MGAT4C: variants seen among roughly 807,000 people sequenced by gnomAD.
MGAT4C encodes the protein alpha-1,3-mannosyl-glycoprotein 4-beta-N-acetylglucosaminyltransferase C.
MGAT4C carries 19 observed loss-of-function variants against 40.1 expected under a neutral mutation model. The observed-to-expected ratio is 0.47, with a 90% CI of 0.33 to 0.70. MGAT4C has a LOEUF of 0.70. Among genes scored for constraint, MGAT4C ranks in the 30% least tolerant of loss-of-function variants. MGAT4C has a pLI of 0.02. For missense variants in MGAT4C, 491 were observed against 563.2 expected (o/e 0.87, Z 1.30); for synonymous variants, 181 against 187.1 (o/e 0.97, Z 0.27).
At chr12:86,141,219 G>C (rs1026775385) in intron 1 of MGAT4C, among the ~76,000 whole-genome samples, 1 of 152,052 alleles carries the variant, frequency 6.6e-6, no homozygotes, top group African/African-American at 2.4e-5. Flanking sequence ...GTTATTTGTA[G>C]ACAGAAAAAG....
At chr12:86,832,157 T>C (rs952780020) in intron 1 of MGAT4C, among the ~76,000 whole-genome samples, 4 of 151,810 alleles carry the variant, frequency 2.6e-5, no homozygotes, top group Non-Finnish European at 4.4e-5. Context: ...CAACATCATA[T>C]ACTTCTTCGA....
At chr12:86,537,021 T>C (rs1028931918) in intron 2 of MGAT4C, among the ~76,000 whole-genome samples, 2 of 152,192 alleles carry the variant, frequency 1.3e-5, no homozygotes, top group Admixed American at 1.3e-4. Flanking sequence ...ATATACAACA[T>C]GGAATACTAT....
chr12:86,023,748 C>G (rs1014073852), intron 2 of MGAT4C, among the ~76,000 whole-genome samples: 2 of 151,482 alleles, frequency 1.3e-5, no homozygotes, highest in African/African-American at 4.8e-5. Context: ...CATGAACTTA[C>G]TGAAATTGAC....
intron 2 of MGAT4C, among the ~76,000 whole-genome samples, chr12:86,600,486 G>A (rs150620754): frequency 9.2e-5 from 14 of 152,340 alleles, no homozygotes; most frequent in African/African-American, 3.4e-4. Context: ...GTGGAAGAAT[G>A]TCAGCAGGGA....
intron 1 of MGAT4C, among the ~76,000 whole-genome samples, chr12:86,753,156 T>G (rs900600894): frequency 1.3e-5 from 2 of 152,044 alleles, no homozygotes; most frequent in Non-Finnish European, 2.9e-5. Context: ...TGGCCATAAA[T>G]AAAATCTCTC....
chr12:86,745,756 A>G (rs1244323106), intron 1 of MGAT4C, among the ~76,000 whole-genome samples: 1 of 151,678 alleles, frequency 6.6e-6, no homozygotes, highest in East Asian at 1.9e-4. Context: ...ACAAAAATTT[A>G]AACTGAGAGT....
chr12:86,554,626 G>C (rs1168551675), intron 2 of MGAT4C, among the ~76,000 whole-genome samples: 1 of 152,234 alleles, frequency 6.6e-6, no homozygotes, highest in South Asian at 2.1e-4. Flanking sequence ...AATACATGTA[G>C]TTTCAACAAT....
At chr12:86,088,295 T>C (rs1872273193) in intron 1 of MGAT4C, among the ~76,000 whole-genome samples, 1 of 152,058 alleles carries the variant, frequency 6.6e-6, no homozygotes, top group East Asian at 1.9e-4. Flanking sequence ...GGAAATACCA[T>C]TCTGGACACA....
In MGAT4C at chr12:86,471,533, A is replaced by G. The variant is rs111985312; in HGVS notation, c.-228-36268T>C. Among the ~76,000 whole-genome samples, 499 of 152,174 alleles carry G rather than the reference A, an allele frequency of 3.3e-3. 2 individuals carry two copies. The highest frequency in any genetic ancestry group is 0.012 in the African/African-American group (483 of 41,544). On this transcript the variant is annotated intron_variant, in intron 2 of 7. Coordinates refer to the MGAT4C transcript ENST00000548651. ...TTAAACAGTATACTAAATACTTACAAAAAAAGGAGAAAATGAGAAGTAGAG... is the reference window on the plus strand; with the variant it reads ...TTAAACAGTATACTAAATACTTACAGAAAAAGGAGAAAATGAGAAGTAGAG...
chr12:86,504,230 T>A (rs773018602), intron 2 of MGAT4C, among the ~76,000 whole-genome samples: 1 of 152,112 alleles, frequency 6.6e-6, no homozygotes, highest in Non-Finnish European at 1.5e-5. Flanking sequence ...TTGAACCCTG[T>A]CATTATCTGC....
chr12:86,476,996 G>T (rs180866138), intron 2 of MGAT4C, among the ~76,000 whole-genome samples: 3 of 152,000 alleles, frequency 2.0e-5, no homozygotes, highest in African/African-American at 7.2e-5. Flanking sequence ...CCATCTGGGT[G>T]ATGGAACCAT....
chr12:86,275,405 A>T (rs907647114), intron 4 of MGAT4C, among the ~76,000 whole-genome samples: 3 of 152,184 alleles, frequency 2.0e-5, no homozygotes, highest in African/African-American at 7.2e-5. Flanking sequence ...TATGAAGGTA[A>T]ATGAAATAAT....
intron 1 of MGAT4C, among the ~76,000 whole-genome samples, chr12:86,220,637 GTA>G (rs1314406400): frequency 6.6e-6 from 1 of 152,064 alleles, no homozygotes; most frequent in Non-Finnish European, 1.5e-5. Context: ...TGCCTCTCTA[GTA>G]TATGTTTTTA....
intron 2 of MGAT4C, among the ~76,000 whole-genome samples, chr12:86,471,411 A>G (rs1287509581): frequency 6.6e-6 from 1 of 152,044 alleles, no homozygotes; most frequent in Non-Finnish European, 1.5e-5. Flanking sequence ...ATATTAAGTT[A>G]TTAACTCAAG....
chr12:85,962,460 TAAC>T lies in MGAT4C; in HGVS notation c.*16826_*16828del, dbSNP rs1055824822. On this transcript the variant is annotated 3_prime_UTR_variant, in exon 5 of 5. Coordinates refer to ENST00000611864, the MANE Select transcript of MGAT4C (RefSeq NM_001351288.2). The stretch of plus-strand genomic sequence containing the variant: ...TATAATTAATTATAAAATAAAATAT[TAAC>T]AATAATTGAACATTGTTTACTTTTT... 3.4e-5 allele frequency: 5 copies of T among 148,388 alleles called. No individual in the cohort carries two copies. The highest frequency in any genetic ancestry group is 9.8e-5 in the African/African-American group (4 of 40,904). The allele number at this position is 148,388 out of a possible 1,614,324, so 9.2% of individuals were successfully genotyped here.
intron 2 of MGAT4C, among the ~76,000 whole-genome samples, chr12:86,526,782 G>C (rs1339499990): frequency 6.6e-6 from 1 of 152,190 alleles, no homozygotes; most frequent in Non-Finnish European, 1.5e-5. Context: ...CAAACCGTTT[G>C]GGTTCCATAT....
At chr12:86,057,504 C>A (rs1893524311) in intron 1 of MGAT4C, among the ~76,000 whole-genome samples, 1 of 152,172 alleles carries the variant, frequency 6.6e-6, no homozygotes, top group African/African-American at 2.4e-5. Flanking sequence ...AAACACATTT[C>A]ATGTGAGCTT....
At chr12:85,994,336 C>T (rs1202630488) in intron 2 of MGAT4C, among the ~76,000 whole-genome samples, 1 of 151,942 alleles carries the variant, frequency 6.6e-6, no homozygotes. Context: ...TGGTGTATAC[C>T]CCCAGAGTAA....
chr12:86,467,064 T>A (rs1426229296), intron 2 of MGAT4C, among the ~76,000 whole-genome samples: 3 of 152,164 alleles, frequency 2.0e-5, no homozygotes, highest in African/African-American at 7.2e-5. Flanking sequence ...TATAGAAGAC[T>A]AGTAGTTTTC....
Sources: allele counts gnomAD v4.1 joint callset (sites outside exome capture counted in the v4.1 genomes callset), GRCh38; gene constraint gnomAD v4.1.1; transcripts MANE v1.5; gene names NCBI Gene and HGNC (gene_info 2026-07-23, HGNC 2026-07-21).